GPHN: variants seen among roughly 807,000 people sequenced by gnomAD.
The protein encoded by GPHN is gephyrin.
A neutral mutation model predicts 95.5 loss-of-function variants in GPHN; 17 were observed. The observed-to-expected ratio is 0.18, with a 90% CI of 0.12 to 0.27. GPHN has a LOEUF of 0.27. Ranked by LOEUF, GPHN falls within the 10% of genes least tolerant of loss-of-function variation. The pLI, the probability that GPHN is intolerant of heterozygous loss-of-function variation, is 1.00. For synonymous variants in GPHN, 320 were observed against 322.5 expected (o/e 0.99, Z 0.08); for missense variants, 660 against 978.1 (o/e 0.67, Z 4.34).
chr14:66,901,775 G>A (rs1049900976), intron 5 of GPHN, among the ~76,000 whole-genome samples: 6 of 151,956 alleles, frequency 3.9e-5, no homozygotes, highest in African/African-American at 1.4e-4. Flanking sequence ...GGTTACTATA[G>A]CTTTGTAGTA....
At chr14:67,590,194 T>C in the GPHN span, 9 of 1,543,586 alleles carry the variant, frequency 5.8e-6, no homozygotes, top group Non-Finnish European at 1.7e-6. Context: ...AGGGGAGAAA[T>C]GCGGAGTCAA....
chr14:67,600,590 C>A, the GPHN span, among the ~76,000 whole-genome samples: 1 of 152,274 alleles, frequency 6.6e-6, no homozygotes, highest in Admixed American at 6.5e-5. Flanking sequence ...GAGAGCAAGA[C>A]CCTGTCTCAA....
the GPHN span, chr14:67,387,078 T>C: frequency 1.2e-4 from 38 of 318,986 alleles, no homozygotes; most frequent in Non-Finnish European, 1.8e-4. Flanking sequence ...AATGGCTGTT[T>C]GTGATGCTGG....
At chr14:66,667,448 G>T (rs2066031798) in intron 1 of GPHN, among the ~76,000 whole-genome samples, 1 of 152,052 alleles carries the variant, frequency 6.6e-6, no homozygotes, top group African/African-American at 2.4e-5. Context: ...AGTGGTACAA[G>T]AATAGACACA....
At chr14:67,627,417 A>G in the GPHN span, among the ~76,000 whole-genome samples, 1 of 152,110 alleles carries the variant, frequency 6.6e-6, no homozygotes, top group Admixed American at 6.6e-5. Flanking sequence ...AAGACACATT[A>G]CAAATCATGT....
chr14:67,204,804 C>T, the GPHN span: 4 of 1,613,930 alleles, frequency 2.5e-6, no homozygotes, highest in Non-Finnish European at 2.5e-6. Context: ...CGGATGTCAC[C>T]ACGTTCACAG....
chr14:67,297,227 A>C, the GPHN span, among the ~76,000 whole-genome samples: 1 of 152,364 alleles, frequency 6.6e-6, no homozygotes, highest in South Asian at 2.1e-4. Context: ...TTAGTATTCA[A>C]CATTTTTTGG....
the GPHN span, among the ~76,000 whole-genome samples, chr14:67,324,316 A>T: frequency 0.15 from 23,568 of 152,142 alleles, 3,451 homozygotes; most frequent in East Asian, 0.42. Flanking sequence ...AACATTAATA[A>T]TTGACTGATA....
At chr14:67,592,301 G>A in the GPHN span, 8 of 427,484 alleles carry the variant, frequency 1.9e-5, no homozygotes, top group East Asian at 6.8e-5. Context: ...TTAGCCAGGC[G>A]AGATGGTGCA....
chr14:67,266,517 G>C, the GPHN span, among the ~76,000 whole-genome samples: 1 of 151,888 alleles, frequency 6.6e-6, no homozygotes, highest in African/African-American at 2.4e-5. Flanking sequence ...GTAGAGACAG[G>C]GTTTCACCAT....
At chr14:66,940,800 GGGA>G (rs1220693886) in intron 8 of GPHN, among the ~76,000 whole-genome samples, 3 of 152,132 alleles carry the variant, frequency 2.0e-5, no homozygotes, top group Non-Finnish European at 4.4e-5. Flanking sequence ...TCTTGGGGTG[GGGA>G]GGAGTTGCAT....
intron 2 of GPHN, among the ~76,000 whole-genome samples, chr14:66,718,549 TG>T (rs1019700658): frequency 3.3e-5 from 5 of 152,142 alleles, no homozygotes; most frequent in African/African-American, 1.2e-4. Flanking sequence ...CTGGCTCAGG[TG>T]GCCAGCTTTT....
At chr14:67,366,552 G>C in the GPHN span, among the ~76,000 whole-genome samples, 1 of 152,166 alleles carries the variant, frequency 6.6e-6, no homozygotes, top group Non-Finnish European at 1.5e-5. Context: ...ATGGGGACTG[G>C]TTAAATAAAT....
intron 1 of GPHN, among the ~76,000 whole-genome samples, chr14:66,528,694 G>A (rs149929207): frequency 0.013 from 2,019 of 152,246 alleles, 21 homozygotes; most frequent in Middle Eastern, 0.02. Context: ...TGTCTGTAAA[G>A]GATTTTATTT....
intron 1 of GPHN, among the ~76,000 whole-genome samples, chr14:66,555,500 G>A (rs146082705): frequency 6.6e-6 from 1 of 151,858 alleles, no homozygotes; most frequent in East Asian, 1.9e-4. Flanking sequence ...TTGCCCCCCC[G>A]CAACCCACGC....
the GPHN span, among the ~76,000 whole-genome samples, chr14:67,464,703 G>C: frequency 6.6e-6 from 1 of 152,226 alleles, no homozygotes; most frequent in Non-Finnish European, 1.5e-5. Flanking sequence ...ACCTTTTGGG[G>C]CTACCCAGTC....
intron 5 of GPHN, among the ~76,000 whole-genome samples, chr14:66,915,053 C>A (rs547134505): frequency 5.1e-4 from 77 of 151,938 alleles, no homozygotes; most frequent in Non-Finnish European, 9.4e-4. Flanking sequence ...TAAACATTTT[C>A]AGATATATGG....
chr14:67,199,477 C>G, the GPHN span: 1 of 1,613,026 alleles, frequency 6.2e-7, no homozygotes, highest in Non-Finnish European at 8.5e-7. Context: ...CTGACACAGG[C>G]AACTCCAAAG....
At chr14:67,509,830 G>T in the GPHN span, among the ~76,000 whole-genome samples, 1 of 151,978 alleles carries the variant, frequency 6.6e-6, no homozygotes, top group African/African-American at 2.4e-5. Flanking sequence ...AACATAGCGA[G>T]TTATAAAGAC....
Sources: allele counts gnomAD v4.1 joint callset (sites outside exome capture counted in the v4.1 genomes callset), GRCh38; gene constraint gnomAD v4.1.1; transcripts MANE v1.5; gene names NCBI Gene and HGNC (gene_info 2026-07-23, HGNC 2026-07-21).